Variants in PDE1C observed in about 807,000 individuals in gnomAD.
PDE1C encodes dual specificity calcium/calmodulin-dependent 3',5'-cyclic nucleotide phosphodiesterase 1C.
A neutral mutation model predicts 93.1 loss-of-function variants in PDE1C; 62 were observed. The observed-to-expected ratio is 0.67, with a 90% CI of 0.54 to 0.82. The LOEUF is 0.82. PDE1C is among the 40% of genes least tolerant of loss of function. PDE1C has a pLI of 0.00. For missense variants in PDE1C, 742 were observed against 884.6 expected (o/e 0.84, Z 2.04); for synonymous variants, 325 against 310.1 (o/e 1.05, Z -0.50).
chr7:31,972,541 G>T (rs1811098397), intron 2 of PDE1C, among the ~76,000 whole-genome samples: 1 of 152,166 alleles, frequency 6.6e-6, no homozygotes, highest in Non-Finnish European at 1.5e-5. Flanking sequence ...TGAGGGCTCG[G>T]TTCCAGAATA....
chr7:31,677,981 G>A, the PDE1C span, among the ~76,000 whole-genome samples: 16 of 152,194 alleles, frequency 1.1e-4, no homozygotes, highest in African/African-American at 3.6e-4. Flanking sequence ...GCTTTTATAT[G>A]TATAAATAAA....
At chr7:32,085,374 C>A (rs1010753876) in intron 3 of PDE1C, among the ~76,000 whole-genome samples, 6 of 138,784 alleles carry the variant, frequency 4.3e-5, no homozygotes, top group Admixed American at 4.3e-4. Flanking sequence ...GCTTACCAAC[C>A]AAAAAGAGTC....
chr7:31,647,657 G>A, the PDE1C span, among the ~76,000 whole-genome samples: 1 of 113,290 alleles, frequency 8.8e-6, no homozygotes, highest in East Asian at 2.9e-4. Context: ...CTGAGCAACA[G>A]AGAGAGTCTC....
intron 2 of PDE1C, among the ~76,000 whole-genome samples, chr7:31,882,556 G>GA (rs1273349932): frequency 1.3e-5 from 2 of 151,866 alleles, no homozygotes; most frequent in Non-Finnish European, 2.9e-5. Context: ...ACTCCCAAAC[G>GA]AAAAAATGAG....
chr7:32,042,484 A>T (rs1791961724), intron 2 of PDE1C, among the ~76,000 whole-genome samples: 1 of 152,172 alleles, frequency 6.6e-6, no homozygotes, highest in African/African-American at 2.4e-5. Flanking sequence ...GTAAAACAGG[A>T]TCATTGTGAA....
intron 3 of PDE1C, among the ~76,000 whole-genome samples, chr7:32,144,287 C>T (rs994660770): frequency 6.6e-6 from 1 of 152,088 alleles, no homozygotes; most frequent in Admixed American, 6.6e-5. Flanking sequence ...GCTTTGTATA[C>T]AGGTAGGCAT....
chr7:32,133,987 T>C lies in PDE1C; in HGVS notation c.308+35798A>G, dbSNP rs1428067597. The stretch of plus-strand genomic sequence containing the variant: ...AGAAACATAATAGGAATTTTAGAAT[T>C]GAAGAATACTATACCTGAAATTTAA... On this transcript the variant is annotated intron_variant, in intron 3 of 18. Coordinates refer to the PDE1C transcript ENST00000396193. Among the ~76,000 whole-genome samples, 6 of 151,988 alleles carry C rather than the reference T, an allele frequency of 3.9e-5. No individual in the cohort carries two copies. In the East Asian group the frequency reaches 1.2e-3, roughly 29 times the overall value.
intron 1 of PDE1C, among the ~76,000 whole-genome samples, chr7:32,270,658 C>G (rs557838712): frequency 1.3e-5 from 2 of 152,120 alleles, no homozygotes; most frequent in African/African-American, 2.4e-5. Flanking sequence ...CCCAAGCCTA[C>G]GGACAGGGGC....
intron 2 of PDE1C, among the ~76,000 whole-genome samples, chr7:31,902,540 T>C (rs1386218432): frequency 6.6e-6 from 1 of 151,780 alleles, no homozygotes; most frequent in Non-Finnish European, 1.5e-5. Context: ...AATGTAGGTA[T>C]CCTTTGATTT....
In PDE1C at chr7:31,829,023, G is replaced by A. The variant is rs118065457; in HGVS notation, c.1204-650C>T. ...ATCACCATAATAAGCATTATGAAGAGTCTAAATAATAATGGAGATGTTTTC... is the reference window on the plus strand; with the variant it reads ...ATCACCATAATAAGCATTATGAAGAATCTAAATAATAATGGAGATGTTTTC... On this transcript the variant is annotated intron_variant, in intron 11 of 17. Transcript: ENST00000396191. Among the ~76,000 whole-genome samples, 821 of 152,270 alleles carry A rather than the reference G, an allele frequency of 5.4e-3. 8 individuals are homozygous for A. Among genetic ancestry groups the A allele is most frequent in the Admixed American group, 0.026 (394 of 15,272 alleles).
intron 1 of PDE1C, among the ~76,000 whole-genome samples, chr7:32,242,600 G>C (rs1432792522): frequency 3.3e-5 from 5 of 152,200 alleles, no homozygotes; most frequent in Non-Finnish European, 7.3e-5. Context: ...AGGAACAATT[G>C]GAGGTAGCAT....
chr7:31,622,912 G>C, the PDE1C span, among the ~76,000 whole-genome samples: 1 of 152,160 alleles, frequency 6.6e-6, no homozygotes, highest in African/African-American at 2.4e-5. Context: ...AATAAAAAAT[G>C]ATAAAGGGGA....
intron 1 of PDE1C, among the ~76,000 whole-genome samples, chr7:32,373,533 G>A (rs1372676961): frequency 6.6e-6 from 1 of 152,216 alleles, no homozygotes; most frequent in African/African-American, 2.4e-5. Context: ...ATGACAAAAT[G>A]TTCTAATGTT....
chr7:32,246,692 G>C (rs774032814), intron 1 of PDE1C, among the ~76,000 whole-genome samples: 2 of 152,196 alleles, frequency 1.3e-5, no homozygotes, highest in Non-Finnish European at 2.9e-5. Flanking sequence ...GAGTCCAACA[G>C]ATACAAGTTC....
chr7:31,745,200 G>C, the PDE1C span, among the ~76,000 whole-genome samples: 1 of 152,084 alleles, frequency 6.6e-6, no homozygotes, highest in African/African-American at 2.4e-5. Context: ...GTGTCGAGAA[G>C]GTTTCTGAGA....
intron 2 of PDE1C, among the ~76,000 whole-genome samples, chr7:32,186,095 T>TG (rs1562559871): frequency 1.7e-4 from 14 of 83,892 alleles, no homozygotes; most frequent in African/African-American, 4.9e-4. Context: ...TTGTTTTTTT[T>TG]TTTTTTTTTT....
At chr7:31,659,765 G>A in the PDE1C span, among the ~76,000 whole-genome samples, 1 of 152,080 alleles carries the variant, frequency 6.6e-6, no homozygotes, top group Non-Finnish European at 1.5e-5. Context: ...GTGGCCTTCT[G>A]CAAAACACTC....
intron 1 of PDE1C, among the ~76,000 whole-genome samples, chr7:32,407,758 C>G (rs1236231737): frequency 2.6e-5 from 4 of 152,158 alleles, no homozygotes; most frequent in Non-Finnish European, 5.9e-5. Flanking sequence ...GAAGCTTTAT[C>G]TATGGAATGT....
chr7:32,241,558 A>C (rs1562610575), intron 1 of PDE1C, among the ~76,000 whole-genome samples: 1 of 152,198 alleles, frequency 6.6e-6, no homozygotes, highest in East Asian at 1.9e-4. Context: ...GTAAAAAAAA[A>C]TTATGTTAAG....
Sources: gnomAD v4.1 joint callset for allele counts (sites outside exome capture counted in the v4.1 genomes callset) on GRCh38, gnomAD v4.1.1 for gene constraint, MANE v1.5 for transcripts, NCBI Gene and HGNC (gene_info 2026-07-23, HGNC 2026-07-21) for gene names.